The following MKI67 variants were observed in gnomAD, a reference collection of about 807,000 sequenced individuals.
The protein encoded by MKI67 is proliferation marker protein Ki-67.
A neutral mutation model predicts 233.5 loss-of-function variants in MKI67; 152 were observed. The observed-to-expected ratio is 0.65, with a 90% CI of 0.57 to 0.74. The LOEUF is 0.74. Ranked by LOEUF, MKI67 falls within the 30% of genes least tolerant of loss-of-function variation. The pLI, the probability that MKI67 is intolerant of heterozygous loss-of-function variation, is 0.00. For synonymous variants in MKI67, 1,465 were observed against 1,418.5 expected, an observed-to-expected ratio of 1.03 and a Z score of -0.74; for missense variants, 3,940 against 3,885.2, an observed-to-expected ratio of 1.01 and a Z score of -0.37.
In MKI67 at chr10:128,119,571, G is replaced by A. The variant is rs557119505; in HGVS notation, c.288-252C>T. On this transcript the variant is annotated intron_variant, in intron 4 of 14. Coordinates refer to ENST00000368654, the MANE Select transcript of MKI67 (RefSeq NM_002417.5). ...CCCAGATTAACTTCTGATCACTGACGAACAGCCCAGGTATGATTTGACAAT... is the reference window on the plus strand; with the variant it reads ...CCCAGATTAACTTCTGATCACTGACAAACAGCCCAGGTATGATTTGACAAT... Among the ~76,000 whole-genome samples the A allele has an allele frequency of 7.9e-5, 12 of 152,310 alleles. No individual in the cohort carries two copies. The East Asian group carries it at 1.7e-3, about 22-fold the overall frequency.
intron 6 of MKI67, 123 bp from the exon 7 acceptor site, chr10:128,116,130 AAATTATTT>A (rs1852802576): frequency 2.7e-6 from 3 of 1,125,496 alleles, no homozygotes; most frequent in Non-Finnish European, 3.7e-6. Flanking sequence ...CTTGGCCTAC[AAATTATTT>A]AATGCCTAAA....
chr10:128,113,335 T>C, intron 8 of MKI67, 92 bp downstream of exon 8: 1 of 1,327,362 alleles, frequency 7.5e-7, no homozygotes, highest in Non-Finnish European at 1.1e-6. Flanking sequence ...AAGGTCTTCA[T>C]CATAATTCTA....
chr10:128,110,387 C>T lies in MKI67; in HGVS notation c.2407G>A (p.Glu803Lys), dbSNP rs762536126. The part of the protein sequence containing the change: ...SGEEPLLPTS[E>K]SFGGNVFFSA... ...AAACAAGGAAACCAACCAAAACTCT[C>T]TGAGGTGGGGAGCAGAGGTTCTTCT... Residue 803 changes from glutamate (E) to lysine (K), a missense_variant, in exon 12 of 15, where the codon GAG (glutamate) becomes AAG (lysine). Coordinates refer to ENST00000368654, the MANE Select transcript of MKI67 (RefSeq NM_002417.5). 5.1e-6 allele frequency: 8 copies of T among 1,564,242 alleles called. No individual in the cohort carries two copies. The highest frequency in any genetic ancestry group is 7.0e-6 in the Non-Finnish European group (8 of 1,143,216).
In MKI67 at chr10:128,115,386, T is replaced by A. The variant is rs139904513; in HGVS notation, c.1022A>T (p.Glu341Val). 1.9e-6 allele frequency: 3 copies of A among 1,614,058 alleles called. No individual in the cohort carries two copies. The highest frequency in any genetic ancestry group is 1.7e-6 in the Non-Finnish European group (2 of 1,180,050). The change falls in exon 7 of 15, where the codon GAG becomes GTG. Residue 341 changes from glutamate (E) to valine (V), a missense_variant. Transcript: ENST00000368654. The part of the protein sequence containing the change: ...KAVGASFPLY[E>V]PAKMKTPVQY... Reference sequence around the variant, plus strand: ...TACAGGGGTCTTCATTTTAGCCGGCTCATAGAGAGGAAAGCTGGCGCCCAC... The same window carrying A: ...TACAGGGGTCTTCATTTTAGCCGGCACATAGAGAGGAAAGCTGGCGCCCAC...
chr10:128,119,208 A>C, intron 5 of MKI67, 45 bp downstream of exon 5: 1 of 1,329,122 alleles, frequency 7.5e-7, no homozygotes. Context: ...AAATGATTTC[A>C]TATCATCGAA....
chr10:128,121,467 T>C (rs1852940216), intron 4 of MKI67, among the ~76,000 whole-genome samples: 1 of 139,540 alleles, frequency 7.2e-6, no homozygotes, highest in Non-Finnish European at 1.5e-5. Context: ...ATATGGTATA[T>C]ATAATATATA....
chr10:128,103,182 C>T lies in MKI67; in HGVS notation c.8658G>A (p.Lys2886=). ...VGEGKGTKAF[K]QPAKRKLDAE... Reference sequence around the variant, plus strand: ...CGTCCAGCTTCCGCTTTGCAGGTTGCTTAAATGCTTTCGTGCCTTTGCCCT... The same window carrying T: ...CGTCCAGCTTCCGCTTTGCAGGTTGTTTAAATGCTTTCGTGCCTTTGCCCT... The change falls in exon 13 of 15, where the codon AAG becomes AAA. Residue 2886 remains lysine (K), a synonymous_variant. Transcript: ENST00000368654. 6.2e-7 allele frequency: 1 copy of T among 1,612,820 alleles called. No homozygotes were observed. Among genetic ancestry groups the T allele is most frequent in the South Asian group, 1.1e-5 (1 of 90,992 alleles).
Position 128,105,203 on chromosome 10 carries a change from G to A in MKI67, c.6637C>T (p.His2213Tyr). 1 of 1,608,630 alleles carries A rather than the reference G, an allele frequency of 6.2e-7. No homozygotes were observed. The highest frequency in any genetic ancestry group is 8.5e-7 in the Non-Finnish European group (1 of 1,178,430). The change falls in exon 13 of 15, where the codon CAT becomes TAT. Residue 2213 changes from histidine to tyrosine, a missense_variant. Transcript: ENST00000368654. The stretch of plus-strand genomic sequence containing the variant: ...CAGGCTATTTTGGTAGTTTTCTCAT[G>A]AGTCGTGGGCTTGTCAGTGCATATT... The part of the protein sequence containing the change: ...TPICTDKPTT[H>Y]EKTTKIACRS...
chr10:128,125,551 G>T lies in MKI67; in HGVS notation c.92+25C>A, dbSNP rs775105657. The stretch of plus-strand genomic sequence containing the variant: ...TATTTTCCTCTTTCTCAGCTAAAAC[G>T]TCCGCGCGCGCCCGCGGGGCTCACC... On this transcript the variant is annotated intron_variant, in intron 2 of 14. Coordinates refer to ENST00000368654, the MANE Select transcript of MKI67 (RefSeq NM_002417.5). This position sits in a 1 kb window ranked among gnomAD's most constrained non-coding sequence, Gnocchi z 5.3. 1.1e-5 allele frequency: 18 copies of T among 1,597,764 alleles called. No homozygotes were observed. The highest frequency in any genetic ancestry group is 1.5e-5 in the Non-Finnish European group (17 of 1,166,628).
chr10:128,098,329 TG>T lies in MKI67; in HGVS notation c.*860del, dbSNP rs1281635553. 6.6e-6 allele frequency: 1 copy of T among 152,096 alleles called. No homozygotes were observed. The highest frequency in any genetic ancestry group is 2.4e-5 in the African/African-American group (1 of 41,382). The allele number at this position is 152,096 out of a possible 1,614,324, so 9.4% of individuals were successfully genotyped here. ...AGAGTACTGGTGTCACTTCCTGTAC[TG>T]GGTGGCATCGGGCTGCCAGATAGAG... is the stretch of plus-strand genomic sequence containing the variant. On this transcript the variant is annotated 3_prime_UTR_variant, in exon 15 of 15. Coordinates refer to ENST00000368654, the MANE Select transcript of MKI67 (RefSeq NM_002417.5).
chr10:128,103,684 CTTG>C lies in MKI67; in HGVS notation c.8153_8155del (p.Ala2718_Ser2719delinsGly), dbSNP rs1852400400. ...ACGTGTCCTGAGATGCCTCTTTGTG[CTTG>C]CTGTGGTGTCTACCACTTCTAGTGG... On this transcript the variant is annotated inframe_deletion, in exon 13 of 15. Coordinates refer to ENST00000368654, the MANE Select transcript of MKI67 (RefSeq NM_002417.5). The C allele has an allele frequency of 6.2e-7, 1 of 1,613,972 alleles. No homozygotes were observed. Among genetic ancestry groups the C allele is most frequent in the Non-Finnish European group, 8.5e-7 (1 of 1,180,038 alleles).
Position 128,108,606 on chromosome 10 carries a change from T to C in MKI67, c.3234A>G (p.Pro1078=). ...TCTTCATTCCAGTTACACGGGCTGC[T>C]GGGTCCAGGATCTGCTTTGGAGACT... is the stretch of plus-strand genomic sequence containing the variant. ...FKESPKQILD[P]AARVTGMKKW... The change falls in exon 13 of 15, where the codon CCA becomes CCG. Residue 1078 remains proline, a synonymous_variant. Transcript: ENST00000368654. 3 of 1,614,198 alleles carry C rather than the reference T, an allele frequency of 1.9e-6. No homozygotes were observed. Among genetic ancestry groups the C allele is most frequent in the Non-Finnish European group, 2.5e-6 (3 of 1,180,036 alleles).
chr10:128,107,571 T>C lies in MKI67; in HGVS notation c.4269A>G (p.Val1423=). ...TGATGCTTTTATCCTCACCTCCTGG[T>C]ACTTTATCTGTGTGTGTGGTTTCCC... ...TSGETTHTDK[V]PGGEDKSINA... Residue 1423 remains valine, a synonymous_variant, in exon 13 of 15, where the codon GTA becomes GTG. Transcript: ENST00000368654. 6.2e-7 allele frequency: 1 copy of C among 1,614,156 alleles called. No individual in the cohort carries two copies. Among genetic ancestry groups the C allele is most frequent in the South Asian group, 1.1e-5 (1 of 91,084 alleles).
Position 128,119,262 on chromosome 10 carries a change from T to C in MKI67, c.345A>G (p.Ile115Met). 6.2e-7 allele frequency: 1 copy of C among 1,606,262 alleles called. No homozygotes were observed. Among genetic ancestry groups the C allele is most frequent in the South Asian group, 1.1e-5 (1 of 90,772 alleles). The part of the protein sequence containing the change: ...GRKSTEFPRK[I>M]REQEPARRVS... The stretch of plus-strand genomic sequence containing the variant: ...GGATATTTTCTATCACCTGTTCACG[T>C]ATTTTTCTTGGAAATTCAGTTGACT... Residue 115 changes from isoleucine to methionine, a missense_variant, in exon 5 of 15, where the codon ATA becomes ATG. By Grantham distance (10) the Ile-to-Met change is conservative. Transcript: ENST00000368654.
At position 128,115,452 on chromosome 10, in the gene MKI67, T is replaced by C. The variant is rs1232093353; in HGVS notation, c.956A>G (p.Lys319Arg). ...CTGAACAGACTCCACGTCTCTTCCC[T>C]TCCCCTTGTTCTGGTCAAGCTCTTG... ...PEQELDQNKGKGRDVESVQTP... is the reference protein window; with the variant it reads ...PEQELDQNKGRGRDVESVQTP... Residue 319 changes from lysine (K) to arginine (R), a missense_variant, in exon 7 of 15, where the codon AAG becomes AGG. Lys to Arg is a conservative substitution (Grantham distance 26). Transcript: ENST00000368654. 8 of 1,613,490 alleles carry C rather than the reference T, an allele frequency of 5.0e-6. No homozygotes were observed. Among genetic ancestry groups the C allele is most frequent in the Non-Finnish European group, 6.8e-6 (8 of 1,179,844 alleles).
Position 128,125,510 on chromosome 10 carries a change from T to C in MKI67, c.92+66A>G, listed in dbSNP as rs1853035721. ...AATCCTAGAGCGCGTTTCTGGACTT[T>C]ATTCTGTGACTAAGGTATTTTCCTC... On this transcript the variant is annotated intron_variant, in intron 2 of 14. Coordinates refer to ENST00000368654, the MANE Select transcript of MKI67 (RefSeq NM_002417.5). This position sits in a 1 kb window ranked among gnomAD's most constrained non-coding sequence, Gnocchi z 5.3. The C allele has an allele frequency of 1.5e-6, 2 of 1,349,068 alleles. No homozygotes were observed. The highest frequency in any genetic ancestry group is 1.2e-5 in the South Asian group (1 of 85,164). The allele number at this position is 1,349,068 out of a possible 1,614,324, so 83.6% of individuals were successfully genotyped here. A position where few individuals can be genotyped will look rare whatever the true frequency, so the allele number is the denominator to read the frequency against.
intron 5 of MKI67, among the ~76,000 whole-genome samples, chr10:128,117,391 T>C (rs2136147410): frequency 6.6e-6 from 1 of 152,348 alleles, no homozygotes; most frequent in Non-Finnish European, 1.5e-5. Context: ...ACATGGTATA[T>C]TCACAGATTC....
rs1336033339 is a variant in MKI67, at chr10:128,115,139, T to C, written c.1269A>G (p.Arg423=). The C allele has an allele frequency of 6.2e-7, 1 of 1,614,208 alleles. No homozygotes were observed. Residue 423 remains arginine (R), a synonymous_variant, in exon 7 of 15, where the codon AGA becomes AGG. Transcript: ENST00000368654. The part of the protein sequence containing the change: ...TKPENLSSKT[R]GSIPTDVEVL... ...CTTCCACATCTGTAGGAATACTTCC[T>C]CTGGTTTTGGAAGAGAGATTTTCTG...
chr10:128,109,575 A>G, intron 12 of MKI67, 152 bp from the exon 13 acceptor site: 1 of 840,192 alleles, frequency 1.2e-6, no homozygotes, highest in African/African-American at 1.7e-5. Flanking sequence ...AATCTGTCTT[A>G]TAAGAGCCAT....
Sources: gnomAD v4.1 joint callset for allele counts (sites outside exome capture counted in the v4.1 genomes callset) on GRCh38, gnomAD v4.1.1 for gene constraint, Gnocchi (gnomAD v3.1) non-coding constraint, MANE v1.5 for transcripts, NCBI Gene and HGNC (gene_info 2026-07-23, HGNC 2026-07-21) for gene names.